ARMC1: variants seen among roughly 807,000 people sequenced by gnomAD.
The protein encoded by ARMC1 is armadillo repeat containing 1.
ARMC1 carries 16 observed loss-of-function variants against 31.4 expected under a neutral mutation model. The ratio of observed to expected loss-of-function variants is 0.51; its 90% CI spans 0.34 to 0.77. ARMC1 has a LOEUF of 0.77. Ranked by LOEUF, ARMC1 falls within the 30% of genes least tolerant of loss-of-function variation. ARMC1 has a pLI of 0.01. For missense variants in ARMC1, 259 were observed against 347.5 expected, an observed-to-expected ratio of 0.75 and a Z score of 2.02; for synonymous variants, 114 against 118.9, an observed-to-expected ratio of 0.96 and a Z score of 0.27.
chr8:65,628,152 C>G (rs1808554231), intron 1 of ARMC1, among the ~76,000 whole-genome samples: 1 of 152,156 alleles, frequency 6.6e-6, no homozygotes, highest in Admixed American at 6.6e-5. Context: ...TGCCCCACAT[C>G]ACAAAATCTA....
chr8:65,607,335 A>G (rs1808026780), intron 4 of ARMC1, among the ~76,000 whole-genome samples: 1 of 152,248 alleles, frequency 6.6e-6, no homozygotes, highest in South Asian at 2.1e-4. Flanking sequence ...AGTAAAGCTC[A>G]CACAATATAT....
Position 65,621,294 on chromosome 8 carries a change from G to A in ARMC1, c.275+969C>T, listed in dbSNP as rs896243000. On this transcript the variant is annotated intron_variant, in intron 3 of 6. Coordinates refer to ENST00000276569, the MANE Select transcript of ARMC1 (RefSeq NM_018120.6). ...GCTTCCACATTAGCAGCAACAGGAT[G>A]AGGGGAGAAATAGCCAAGTATTCAT... Among the ~76,000 whole-genome samples, 5 of 152,262 alleles carry A rather than the reference G, an allele frequency of 3.3e-5. No individual in the cohort carries two copies. In the East Asian group the frequency reaches 9.6e-4, roughly 29 times the overall value.
At chr8:65,630,557 G>A (rs1345153646) in intron 1 of ARMC1, among the ~76,000 whole-genome samples, 4 of 152,270 alleles carry the variant, frequency 2.6e-5, no homozygotes, top group East Asian at 3.9e-4. Context: ...AGTGGCTCAC[G>A]CCTGTAATCC....
chr8:65,615,601 G>C (rs549976694), intron 3 of ARMC1, among the ~76,000 whole-genome samples: 7 of 152,288 alleles, frequency 4.6e-5, no homozygotes, highest in Admixed American at 3.9e-4. Context: ...CAGCTACTCA[G>C]GGGGCTGAGG....
chr8:65,624,247 T>G (rs1191155873), intron 2 of ARMC1, among the ~76,000 whole-genome samples: 1 of 152,010 alleles, frequency 6.6e-6, no homozygotes, highest in East Asian at 1.9e-4. Flanking sequence ...GCCTATAATC[T>G]CAGTACCTTG....
chr8:65,626,520 T>C (rs1176879852), intron 2 of ARMC1, among the ~76,000 whole-genome samples: 2 of 151,604 alleles, frequency 1.3e-5, no homozygotes, highest in Non-Finnish European at 2.9e-5. Flanking sequence ...TCTGTGAATA[T>C]ACTAAAATCA....
At chr8:65,610,331 T>A (rs1270396210) in intron 4 of ARMC1, among the ~76,000 whole-genome samples, 1 of 151,292 alleles carries the variant, frequency 6.6e-6, no homozygotes, top group African/African-American at 2.4e-5. Flanking sequence ...ACTCCTGACC[T>A]TGTGATCCAC....
intron 3 of ARMC1, among the ~76,000 whole-genome samples, chr8:65,616,229 C>A (rs1437185942): frequency 6.6e-6 from 1 of 152,212 alleles, no homozygotes; most frequent in African/African-American, 2.4e-5. Flanking sequence ...CTACAACCTC[C>A]CTGCCTGATT....
At chr8:65,609,871 A>AAAAAGAAACG (rs1554540453) in intron 4 of ARMC1, among the ~76,000 whole-genome samples, 384 of 23,902 alleles carry the variant, frequency 0.016, 3 homozygotes, top group African/African-American at 0.073. Context: ...AAAAAAAAAA[A>AAAAAGAAACG]AAAAAGAAAA....
At chr8:65,619,589 G>A (rs1808348682) in intron 3 of ARMC1, among the ~76,000 whole-genome samples, 1 of 152,052 alleles carries the variant, frequency 6.6e-6, no homozygotes, top group Admixed American at 6.6e-5. Context: ...GCTCACACCT[G>A]TAATCCCAGC....
intron 2 of ARMC1, among the ~76,000 whole-genome samples, chr8:65,626,343 T>A (rs1238564296): frequency 6.6e-6 from 1 of 150,996 alleles, no homozygotes; most frequent in Non-Finnish European, 1.5e-5. Context: ...GTGGCTCACA[T>A]CTGTAATCTA....
intron 3 of ARMC1, among the ~76,000 whole-genome samples, chr8:65,619,917 G>C (rs2129042914): frequency 6.6e-6 from 1 of 151,352 alleles, no homozygotes; most frequent in Non-Finnish European, 1.5e-5. Context: ...CCAGGAGGCA[G>C]AGGTTGCAGT....
Position 65,604,270 on chromosome 8 carries a change from A to T in ARMC1, c.*124T>A, listed in dbSNP as rs369417752. ...TCCAATAAAACGTGAAATGCAGCAT[A>T]TGCGATCGTGTAATCTAAAAACTTT... On this transcript the variant is annotated 3_prime_UTR_variant, in exon 7 of 7. Transcript: ENST00000276569. 3 of 845,022 alleles carry T rather than the reference A, an allele frequency of 3.6e-6. No homozygotes were observed. Among genetic ancestry groups the T allele is most frequent in the South Asian group, 3.7e-5 (2 of 53,334 alleles). 52.3% of individuals were successfully genotyped at this position (845,022 alleles called of 1,614,324 possible). A position where few individuals can be genotyped will look rare whatever the true frequency, so the allele number is the denominator to read the frequency against.
intron 4 of ARMC1, among the ~76,000 whole-genome samples, chr8:65,610,942 T>C (rs888704238): frequency 2.0e-5 from 3 of 151,884 alleles, no homozygotes; most frequent in Admixed American, 2.0e-4. Flanking sequence ...ACTTATCCTT[T>C]TTTTTTTTTG....
At chr8:65,610,415 G>T (rs1006579906) in intron 4 of ARMC1, among the ~76,000 whole-genome samples, 2 of 146,752 alleles carry the variant, frequency 1.4e-5, no homozygotes, top group African/African-American at 5.1e-5. Context: ...AAAATTTAAG[G>T]CCGGCTGCAG....
chr8:65,617,125 C>T (rs1808287638), intron 3 of ARMC1, among the ~76,000 whole-genome samples: 1 of 152,242 alleles, frequency 6.6e-6, no homozygotes, highest in Non-Finnish European at 1.5e-5. Flanking sequence ...GGAGGTGTAC[C>T]CAACAGCTCA....
chr8:65,624,561 C>CA (rs1391244082), intron 2 of ARMC1, among the ~76,000 whole-genome samples: 1 of 147,564 alleles, frequency 6.8e-6, no homozygotes, highest in Admixed American at 6.8e-5. Flanking sequence ...CTGTTTAAGG[C>CA]AAAAATATAT....
intron 3 of ARMC1, among the ~76,000 whole-genome samples, chr8:65,614,204 T>C (rs1379418645): frequency 6.6e-6 from 1 of 152,208 alleles, no homozygotes; most frequent in Non-Finnish European, 1.5e-5. Flanking sequence ...TTAATTTACA[T>C]TTTTTACATA....
chr8:65,613,594 T>C (rs1191973688), intron 3 of ARMC1, among the ~76,000 whole-genome samples, 161 bp from the exon 4 acceptor site: 1 of 152,212 alleles, frequency 6.6e-6, no homozygotes, highest in East Asian at 1.9e-4. Context: ...AGAAAAAGCA[T>C]CTTGTCTATA....
Sources: allele counts gnomAD v4.1 joint callset (sites outside exome capture counted in the v4.1 genomes callset), GRCh38; gene constraint gnomAD v4.1.1; transcripts MANE v1.5; gene names NCBI Gene and HGNC (gene_info 2026-07-23, HGNC 2026-07-21).